Variants in C3orf52 observed in about 807,000 individuals in gnomAD.
C3orf52 encodes the protein chromosome 3 open reading frame 52, also known as TPA-induced transmembrane protein.
C3orf52 carries 22 observed loss-of-function variants against 24.8 expected under a neutral mutation model. The observed-to-expected ratio is 0.89, with a 90% confidence interval of 0.63 to 1.27. The LOEUF (loss-of-function observed/expected upper bound fraction) is 1.27. Ranked by LOEUF, C3orf52 falls within the 50% of genes most tolerant of loss-of-function variation. The pLI is 0.00. For synonymous variants in C3orf52, 93 were observed against 100.2 expected (o/e 0.93, Z 0.43); for missense variants, 265 against 260.7 (o/e 1.02, Z -0.11).
chr3:112,129,716 A>G (rs2074407600), downstream of C3orf52: 1 of 152,236 alleles, frequency 6.6e-6, no homozygotes, highest in Admixed American at 6.5e-5. Flanking sequence ...CCCTGTTGAA[A>G]GGAATCTCTG....
At chr3:112,126,712 T>C (rs2074328180) in intron 4 of C3orf52, among the ~76,000 whole-genome samples, 1 of 152,176 alleles carries the variant, frequency 6.6e-6, no homozygotes, top group South Asian at 2.1e-4. Context: ...TAAGTGCCTT[T>C]CTCCTCCACC....
chr3:112,094,928 G>A (rs1473288920), intron 2 of C3orf52, among the ~76,000 whole-genome samples: 2 of 152,114 alleles, frequency 1.3e-5, no homozygotes, highest in Admixed American at 6.5e-5. Context: ...GAAGAAGAAG[G>A]GGTAACTCCC....
At chr3:112,126,812 T>C (rs1234620609) in intron 4 of C3orf52, among the ~76,000 whole-genome samples, 1 of 152,224 alleles carries the variant, frequency 6.6e-6, no homozygotes, top group Non-Finnish European at 1.5e-5. Context: ...CAATTCCTGC[T>C]TCAATGAGCT....
intron 4 of C3orf52, chr3:112,127,972 A>T (rs1314202292): frequency 6.4e-7 from 1 of 1,566,608 alleles, no homozygotes; most frequent in Admixed American, 1.7e-5. Flanking sequence ...ACCACATTGA[A>T]ACCACACTTA....
At chr3:112,119,457 G>A (rs762979927), downstream of C3orf52, 55 of 702,742 alleles carry the variant, frequency 7.8e-5, 1 homozygote, top group South Asian at 6.4e-4. Flanking sequence ...ATCAGAGGAC[G>A]TTTTTTTGTA....
At chr3:112,094,705 T>G (rs2073910845) in intron 2 of C3orf52, among the ~76,000 whole-genome samples, 2 of 152,246 alleles carry the variant, frequency 1.3e-5, no homozygotes, top group African/African-American at 4.8e-5. Context: ...TACCAATTTT[T>G]TAATGATTAT....
At chr3:112,103,538 C>T (rs340173) in intron 3 of C3orf52, among the ~76,000 whole-genome samples, 14,435 of 152,148 alleles carry the variant, frequency 0.095, 1,268 homozygotes, top group African/African-American at 0.24. Context: ...ATGTGCTAGA[C>T]AGCATGCCAA....
At chr3:112,097,200 T>G (rs2073933923) in intron 2 of C3orf52, among the ~76,000 whole-genome samples, 1 of 152,230 alleles carries the variant, frequency 6.6e-6, no homozygotes, top group South Asian at 2.1e-4. Context: ...TTGAGTGTTC[T>G]CAAGGGTTCT....
chr3:112,132,562 TTAAAA>T (rs2074482717), downstream of C3orf52: 2 of 661,376 alleles, frequency 3.0e-6, no homozygotes, highest in African/African-American at 3.9e-5. Context: ...TTATTTCTAC[TTAAAA>T]TAAAGAGGCT....
rs191805184 is a variant in C3orf52, at chr3:112,105,341, C to T, written c.396+2376C>T. Among the ~76,000 whole-genome samples, 11 of 152,282 alleles carry T rather than the reference C, an allele frequency of 7.2e-5. No individual in the cohort carries two copies. The East Asian group carries it at 1.7e-3, about 24-fold the overall frequency. Reference sequence around the variant, plus strand: ...AGGTGACAGATTCCTGCCCTTCATTCGTCAACCAAATATGCTCAGGAACAA... The same window carrying T: ...AGGTGACAGATTCCTGCCCTTCATTTGTCAACCAAATATGCTCAGGAACAA... On this transcript the variant is annotated intron_variant, in intron 3 of 5. Transcript: ENST00000264848.
rs369406802 is a variant in C3orf52 at position 112,086,506 on chromosome 3, G to C, written c.99G>C (p.Lys33Asn). The C allele has an allele frequency of 1.1e-4, 172 of 1,551,470 alleles. No individual in the cohort carries two copies. The African/African-American group carries it at 2.1e-3, about 19-fold the overall frequency. Residue 33 changes from lysine to asparagine, a missense_variant, in exon 1 of 6, where the codon AAG (lysine) becomes AAC (asparagine). Physicochemically the swap from Lys to Asn is moderately conservative, Grantham distance 94. Transcript: ENST00000264848. ...ACACGCCTCTCAATGGTGCCGACAAGGTCTTCCCTTCTTTGGACGAGGAGG... is the reference window on the plus strand; with the variant it reads ...ACACGCCTCTCAATGGTGCCGACAACGTCTTCCCTTCTTTGGACGAGGAGG... ...EENTPLNGAD[K>N]VFPSLDEEVP...
chr3:112,120,034 G>T (rs1450047615), downstream of C3orf52, among the ~76,000 whole-genome samples: 1 of 152,220 alleles, frequency 6.6e-6, no homozygotes, highest in Non-Finnish European at 1.5e-5. Context: ...GTGATCAGGG[G>T]TCAGGGGTGA....
intron 2 of C3orf52, among the ~76,000 whole-genome samples, chr3:112,096,747 A>C (rs553510008): frequency 7.2e-5 from 11 of 152,268 alleles, no homozygotes; most frequent in African/African-American, 1.7e-4. Context: ...CGAATTAAGA[A>C]TTGTCAGCAT....
chr3:112,108,645 G>A (rs2074050024), intron 3 of C3orf52, among the ~76,000 whole-genome samples: 1 of 152,178 alleles, frequency 6.6e-6, no homozygotes, highest in African/African-American at 2.4e-5. Context: ...GGAGTTAGGT[G>A]AATGCCTTTC....
chr3:112,113,411 C>T (rs1453505840), intron 5 of C3orf52, among the ~76,000 whole-genome samples: 1 of 152,150 alleles, frequency 6.6e-6, no homozygotes, highest in African/African-American at 2.4e-5. Flanking sequence ...TAAAGATGAA[C>T]ATTGCTACAT....
intron 1 of C3orf52, among the ~76,000 whole-genome samples, chr3:112,091,579 G>C (rs889647083): frequency 5.3e-5 from 8 of 152,306 alleles, no homozygotes; most frequent in Middle Eastern, 3.4e-3. Flanking sequence ...GCCTAGGTAT[G>C]TGTCAGTTAA....
intron 2 of C3orf52, among the ~76,000 whole-genome samples, chr3:112,098,816 G>T (rs1173213468): frequency 6.6e-6 from 1 of 152,066 alleles, no homozygotes; most frequent in African/African-American, 2.4e-5. Context: ...AGCTTTCTGG[G>T]CCTCTTTTAT....
At chr3:112,122,792 G>A (rs1031071510), downstream of C3orf52, 1 of 152,158 alleles carries the variant, frequency 6.6e-6, no homozygotes, top group African/African-American at 2.4e-5. Flanking sequence ...TCTTAACATT[G>A]TCTGATGGCA....
chr3:112,106,543 C>G (rs2107784847), intron 3 of C3orf52, among the ~76,000 whole-genome samples: 1 of 152,268 alleles, frequency 6.6e-6, no homozygotes, highest in South Asian at 2.1e-4. Context: ...AGGTCTGTGT[C>G]AGGAGCTGGA....
Sources: allele counts gnomAD v4.1 joint callset (sites outside exome capture counted in the v4.1 genomes callset), GRCh38; gene constraint gnomAD v4.1.1; transcripts MANE v1.5; gene names NCBI Gene and HGNC (gene_info 2026-07-23, HGNC 2026-07-21).